GRIN2A: variants seen among roughly 807,000 people sequenced by gnomAD.
The protein encoded by GRIN2A is glutamate ionotropic receptor NMDA type subunit 2A.
In GRIN2A, 22 loss-of-function variants were observed where a neutral mutation model predicts 113.4. That is an observed-to-expected ratio of 0.19 (90% CI 0.14 to 0.28). GRIN2A has a LOEUF of 0.28. GRIN2A is among the 10% of genes least tolerant of loss of function. The pLI is 1.00. For missense variants in GRIN2A, 1,502 were observed against 1,887.0 expected, an observed-to-expected ratio of 0.80 and a Z score of 3.78; for synonymous variants, 827 against 738.4, an observed-to-expected ratio of 1.12 and a Z score of -1.94.
intron 2 of GRIN2A, among the ~76,000 whole-genome samples, chr16:9,960,425 C>T (rs539660329): frequency 2.0e-4 from 30 of 152,160 alleles, no homozygotes; most frequent in Admixed American, 3.3e-4. Flanking sequence ...GATGCCTTTA[C>T]ATTTTCTTGC....
chr16:10,029,618 T>C (rs1031587933), intron 2 of GRIN2A, among the ~76,000 whole-genome samples: 2 of 152,248 alleles, frequency 1.3e-5, no homozygotes, highest in African/African-American at 4.8e-5. Flanking sequence ...ATACGGCATA[T>C]GTCTCACCTA....
At chr16:9,865,184 T>G (rs1268840767) in intron 4 of GRIN2A, among the ~76,000 whole-genome samples, 1 of 152,206 alleles carries the variant, frequency 6.6e-6, no homozygotes, top group Non-Finnish European at 1.5e-5. Context: ...ACGACAGCTT[T>G]GCCCAGTTAA....
intron 2 of GRIN2A, chr16:10,111,572 C>T (rs879005360): frequency 8.1e-6 from 7 of 867,670 alleles, no homozygotes; most frequent in African/African-American, 3.3e-5. Flanking sequence ...CTGAAGACAC[C>T]ACTGATCTCT....
At chr16:10,100,951 A>T (rs1236223438) in intron 2 of GRIN2A, among the ~76,000 whole-genome samples, 1 of 152,214 alleles carries the variant, frequency 6.6e-6, no homozygotes, top group East Asian at 1.9e-4. Flanking sequence ...ATCTGCCTTC[A>T]AAAAAGAATG....
intron 2 of GRIN2A, among the ~76,000 whole-genome samples, chr16:10,088,472 A>G (rs1228225404): frequency 2.0e-5 from 3 of 152,180 alleles, no homozygotes; most frequent in Non-Finnish European, 2.9e-5. Flanking sequence ...GATGGCAGAC[A>G]CAACAATCTA....
chr16:9,960,558 G>C (rs1042071478), intron 2 of GRIN2A, among the ~76,000 whole-genome samples: 3 of 152,290 alleles, frequency 2.0e-5, no homozygotes, highest in Admixed American at 1.3e-4. Flanking sequence ...AAGTCAACCA[G>C]ACTATCTTTT....
In GRIN2A at chr16:9,759,233, T is replaced by C. The variant is rs572383314; in HGVS notation, c.*3916A>G. On this transcript the variant is annotated 3_prime_UTR_variant, in exon 13 of 13. Coordinates refer to ENST00000330684, the MANE Select transcript of GRIN2A (RefSeq NM_001134407.3). ...TACTTATTTATATGACAACTGATTATTAAAGCTGCACTTTTTAGATTTAAA... is the reference window on the plus strand; with the variant it reads ...TACTTATTTATATGACAACTGATTACTAAAGCTGCACTTTTTAGATTTAAA... The C allele has an allele frequency of 9.1e-6, 2 of 219,890 alleles. No individual in the cohort carries two copies. Among genetic ancestry groups the C allele is most frequent in the African/African-American group, 2.2e-5 (1 of 44,740 alleles). 13.6% of individuals were successfully genotyped at this position (219,890 alleles called of 1,614,324 possible). A position where few individuals can be genotyped will look rare whatever the true frequency, so the allele number is the denominator to read the frequency against.
At chr16:10,039,706 G>T (rs1179355264) in intron 2 of GRIN2A, among the ~76,000 whole-genome samples, 1 of 150,250 alleles carries the variant, frequency 6.7e-6, no homozygotes, top group East Asian at 2.0e-4. Context: ...GAAGGACCAG[G>T]TGCTGGGCAG....
At chr16:9,840,832 A>AAGAG in intron 6 of GRIN2A, 32 bp from the exon 7 acceptor site, 1 of 1,229,002 alleles carries the variant, frequency 8.1e-7, no homozygotes, top group South Asian at 1.5e-5. Context: ...AAAAAAAAAA[A>AAGAG]AGAGAGAGAG....
Position 9,763,816 on chromosome 16 carries a change from C to T in GRIN2A, c.3728G>A (p.Gly1243Glu), listed in dbSNP as rs1471308483. ...GTCTTCATCGATGTCATAGAGGTTCCCCATCCGCAGGCAGGCATCGCACTT... is the reference window on the plus strand; with the variant it reads ...GTCTTCATCGATGTCATAGAGGTTCTCCATCCGCAGGCAGGCATCGCACTT... ...PFKCDACLRM[G>E]NLYDIDEDQM... is the part of the protein sequence containing the mutation. The change falls in exon 13 of 13, where the codon GGG becomes GAG. Residue 1243 changes from glycine to glutamate, a missense_variant. Gly to Glu is a moderately conservative substitution (Grantham distance 98). This residue lies in a region of GRIN2A where 832 missense variants were observed against 789.7 expected (regional missense o/e 1.05). Coordinates refer to ENST00000330684, the MANE Select transcript of GRIN2A (RefSeq NM_001134407.3). 6.2e-7 allele frequency: 1 copy of T among 1,614,080 alleles called. No homozygotes were observed. Among genetic ancestry groups the T allele is most frequent in the Non-Finnish European group, 8.5e-7 (1 of 1,180,012 alleles).
intron 2 of GRIN2A, 105 bp downstream of exon 2, chr16:10,179,893 C>CCCAAAAAA: frequency 1.3e-5 from 9 of 719,812 alleles, no homozygotes; most frequent in Admixed American, 2.2e-5. Flanking sequence ...CCCCCACCCC[C>CCCAAAAAA]ACTTCACATC....
At chr16:10,053,556 G>A (rs1033556441) in intron 2 of GRIN2A, among the ~76,000 whole-genome samples, 1 of 152,202 alleles carries the variant, frequency 6.6e-6, no homozygotes, top group African/African-American at 2.4e-5. Context: ...GGTATCTTTT[G>A]AGCAGGTGGT....
chr16:9,911,905 G>A (rs2044147291), intron 3 of GRIN2A, among the ~76,000 whole-genome samples: 1 of 152,196 alleles, frequency 6.6e-6, no homozygotes, highest in Non-Finnish European at 1.5e-5. Flanking sequence ...AAGGGTGAGA[G>A]GCATTAAGGT....
intron 2 of GRIN2A, among the ~76,000 whole-genome samples, chr16:10,031,838 G>T (rs1416456579): frequency 2.0e-5 from 3 of 152,330 alleles, no homozygotes; most frequent in Middle Eastern, 3.4e-3. Flanking sequence ...TACCCTCCAA[G>T]CACCAGGGTC....
At chr16:9,929,318 A>C (rs1282590470) in intron 3 of GRIN2A, among the ~76,000 whole-genome samples, 3 of 152,186 alleles carry the variant, frequency 2.0e-5, no homozygotes, top group Non-Finnish European at 4.4e-5. Context: ...AACATGTCTA[A>C]AATTGGATGT....
chr16:10,112,373 C>T, intron 2 of GRIN2A: 2 of 672,292 alleles, frequency 3.0e-6, no homozygotes, highest in Admixed American at 4.2e-5. Flanking sequence ...CTATCTGCAT[C>T]ACCCAGGAAG....
At chr16:9,797,778 T>A (rs975888628) in intron 11 of GRIN2A, among the ~76,000 whole-genome samples, 3 of 152,180 alleles carry the variant, frequency 2.0e-5, no homozygotes, top group African/African-American at 7.2e-5. Context: ...TTGTGTTTTG[T>A]GATGTAGGGG....
intron 2 of GRIN2A, among the ~76,000 whole-genome samples, chr16:9,960,149 A>T (rs974466115): frequency 6.6e-6 from 1 of 152,220 alleles, no homozygotes; most frequent in African/African-American, 2.4e-5. Flanking sequence ...TGAGCTTTGC[A>T]TATAGGAGGG....
At chr16:9,776,042 AC>A (rs1300973056) in intron 11 of GRIN2A, among the ~76,000 whole-genome samples, 4 of 152,212 alleles carry the variant, frequency 2.6e-5, no homozygotes, top group Non-Finnish European at 5.9e-5. Flanking sequence ...TTATGCAGTG[AC>A]TGGGAGAAAC....
Sources: gnomAD v4.1 joint callset for allele counts (sites outside exome capture counted in the v4.1 genomes callset) on GRCh38, gnomAD v4.1.1 for gene constraint, gnomAD v4.1.1 regional missense constraint, MANE v1.5 for transcripts, NCBI Gene and HGNC (gene_info 2026-07-23, HGNC 2026-07-21) for gene names.